The following BLTP1 variants were observed in gnomAD, a reference collection of about 807,000 sequenced individuals.
BLTP1 encodes the protein bridge-like lipid transfer protein family member 1.
the BLTP1 span, chr4:122,225,037 A>C: frequency 1.0e-6 from 1 of 970,372 alleles, no homozygotes; most frequent in Non-Finnish European, 1.3e-6. Context: ...TTTTTCTACT[A>C]TATGGAGTAA....
chr4:122,331,265 T>C, the BLTP1 span: 1 of 1,515,484 alleles, frequency 6.6e-7, no homozygotes, highest in Non-Finnish European at 8.8e-7. Context: ...TGTTGGAAAA[T>C]AGTTTGTTAA....
chr4:122,239,544 C>T, the BLTP1 span: 1 of 1,594,968 alleles, frequency 6.3e-7, no homozygotes, highest in South Asian at 1.1e-5. Flanking sequence ...AGGAAACAGC[C>T]CTGTGTCTCC....
chr4:122,350,144 A>T, the BLTP1 span: 1 of 1,514,514 alleles, frequency 6.6e-7, no homozygotes, highest in Non-Finnish European at 8.8e-7. Context: ...TTAATTTAAA[A>T]TAATAATAAT....
the BLTP1 span, chr4:122,188,989 C>T: frequency 1.0e-6 from 1 of 985,064 alleles, no homozygotes; most frequent in South Asian, 4.7e-5. Flanking sequence ...CCTGGCCTCA[C>T]TCTTCAAGAT....
the BLTP1 span, chr4:122,292,930 C>T: frequency 3.1e-6 from 1 of 318,442 alleles, no homozygotes; most frequent in Non-Finnish European, 4.5e-6. Context: ...AAAGGAGCCT[C>T]AAGGAACTGA....
chr4:122,281,061 A>G, the BLTP1 span, among the ~76,000 whole-genome samples: 1 of 152,196 alleles, frequency 6.6e-6, no homozygotes, highest in Non-Finnish European at 1.5e-5. Context: ...ACGTGGAGAC[A>G]ATAGTACCTA....
the BLTP1 span, chr4:122,239,598 C>G: frequency 6.2e-7 from 1 of 1,614,080 alleles, no homozygotes; most frequent in Non-Finnish European, 8.5e-7. Flanking sequence ...TCTTAGATCT[C>G]CCTTGAAACG....
chr4:122,352,803 C>A, the BLTP1 span: 3 of 1,421,386 alleles, frequency 2.1e-6, no homozygotes, highest in Non-Finnish European at 2.9e-6. Flanking sequence ...TTTCATCCCT[C>A]ACCTGAGACT....
At chr4:122,342,362 AT>A in the BLTP1 span, among the ~76,000 whole-genome samples, 4 of 149,804 alleles carry the variant, frequency 2.7e-5, no homozygotes, top group African/African-American at 9.8e-5. Flanking sequence ...TTATTTATTT[AT>A]TTTTTTTTTT....
At chr4:122,183,071 C>T in the BLTP1 span, 8 of 962,938 alleles carry the variant, frequency 8.3e-6, no homozygotes, top group Non-Finnish European at 7.4e-6. Flanking sequence ...TGCAGTAGCT[C>T]ACACTGGTAA....
chr4:122,195,963 A>T, the BLTP1 span, among the ~76,000 whole-genome samples: 1 of 152,142 alleles, frequency 6.6e-6, no homozygotes, highest in Non-Finnish European at 1.5e-5. Context: ...ATACAATACT[A>T]ATGTTAGCTC....
the BLTP1 span, chr4:122,197,876 G>A: frequency 9.0e-5 from 64 of 710,092 alleles, no homozygotes; most frequent in African/African-American, 1.2e-3. Flanking sequence ...AATACTTTTT[G>A]TTAAATTTAT....
chr4:122,229,198 C>T, the BLTP1 span: 52 of 1,610,776 alleles, frequency 3.2e-5, no homozygotes, highest in East Asian at 6.7e-5. Flanking sequence ...TAGATGGAGC[C>T]GATATTTACA....
the BLTP1 span, among the ~76,000 whole-genome samples, chr4:122,324,919 C>T: frequency 4.6e-5 from 7 of 151,848 alleles, no homozygotes; most frequent in African/African-American, 1.5e-4. Context: ...GGTATAGTCA[C>T]ACAGACATTT....
At chr4:122,176,358 A>G in the BLTP1 span, among the ~76,000 whole-genome samples, 1 of 152,144 alleles carries the variant, frequency 6.6e-6, no homozygotes, top group African/African-American at 2.4e-5. Context: ...GAGAATTATT[A>G]TTAACTTTTG....
chr4:122,208,985 T>TAAA, the BLTP1 span: 43 of 362,024 alleles, frequency 1.2e-4, no homozygotes, highest in Non-Finnish European at 1.4e-4. Context: ...GTGAGACCAT[T>TAAA]AAAAAAAAAA....
the BLTP1 span, among the ~76,000 whole-genome samples, chr4:122,327,712 C>A: frequency 1.3e-5 from 2 of 151,652 alleles, no homozygotes; most frequent in Non-Finnish European, 2.9e-5. Flanking sequence ...CATCTACTAG[C>A]ATGATGAGAA....
the BLTP1 span, chr4:122,305,065 T>C: frequency 4.0e-5 from 53 of 1,318,876 alleles, no homozygotes; most frequent in African/African-American, 1.5e-4. Context: ...TTATGTATTA[T>C]TATATTTACA....
the BLTP1 span, chr4:122,341,894 A>T: frequency 2.6e-6 from 2 of 761,906 alleles, no homozygotes; most frequent in South Asian, 1.2e-4. Context: ...GAACTGGGGG[A>T]ATGGACACTC....
Sources: allele counts gnomAD v4.1 joint callset (sites outside exome capture counted in the v4.1 genomes callset), GRCh38; gene constraint gnomAD v4.1.1; transcripts MANE v1.5; gene names NCBI Gene and HGNC (gene_info 2026-07-23, HGNC 2026-07-21).